The following USP12 variants were observed in gnomAD, a reference collection of about 807,000 sequenced individuals.
USP12 encodes the protein ubiquitin carboxyl-terminal hydrolase 12.
Under a neutral mutation model 45.5 loss-of-function variants are expected in USP12, and 19 were observed. The observed-to-expected ratio is 0.42, with a 90% confidence interval of 0.29 to 0.61. USP12 has a LOEUF of 0.61. Among genes scored for constraint, USP12 ranks in the 20% least tolerant of loss-of-function variants. The probability of loss-of-function intolerance (pLI) is 0.22; values close to 1 mark genes in which losing one functional copy is unlikely to be tolerated. For missense variants in USP12, 242 were observed against 447.7 expected (o/e 0.54, Z 4.15); for synonymous variants, 149 against 148.8 (o/e 1.00, Z -0.01).
At chr13:27,076,818 T>C (rs1450366694) in intron 6 of USP12, among the ~76,000 whole-genome samples, 1 of 152,222 alleles carries the variant, frequency 6.6e-6, no homozygotes, top group Non-Finnish European at 1.5e-5. Context: ...GGATAGCTTA[T>C]TATTCCTAAA....
In USP12 at chr13:27,075,996, CT is replaced by C. The variant is rs1164995332; in HGVS notation, c.735-609del. ...AGTGAGCTGAGATCACGCCACTGCA[CT>C]CCAGCCTGGGTGACAGAGCAAGGCT... On this transcript the variant is annotated intron_variant, in intron 6 of 8. Coordinates refer to ENST00000282344, the MANE Select transcript of USP12 (RefSeq NM_182488.4). 3.2e-3 allele frequency among the ~76,000 whole-genome samples: 460 copies of C among 143,126 alleles called. 2 individuals are homozygous for C. Among genetic ancestry groups the C allele is most frequent in the African/African-American group, 0.011 (427 of 38,320 alleles). 93.9% of individuals were successfully genotyped at this position (143,126 alleles called of 152,430 possible). A position where few individuals can be genotyped will look rare whatever the true frequency, so the allele number is the denominator to read the frequency against.
intron 1 of USP12, among the ~76,000 whole-genome samples, chr13:27,139,599 GAGCA>G (rs1318781961): frequency 6.6e-6 from 1 of 152,154 alleles, no homozygotes; most frequent in East Asian, 1.9e-4. Context: ...CTGGGAGAAA[GAGCA>G]AGACTCCATC....
intron 3 of USP12, among the ~76,000 whole-genome samples, chr13:27,099,117 T>C (rs776503316): frequency 4.6e-5 from 7 of 152,128 alleles, no homozygotes; most frequent in African/African-American, 1.4e-4. Flanking sequence ...TATTTGGACA[T>C]ATATATTTAA....
chr13:27,138,123 T>C (rs904229958), intron 1 of USP12, among the ~76,000 whole-genome samples: 3 of 152,214 alleles, frequency 2.0e-5, no homozygotes, highest in Admixed American at 2.0e-4. Context: ...GGGCACGGCT[T>C]ACCTACAACA....
Position 27,075,484 on chromosome 13 carries a change from A to G in USP12, c.735-96T>C, listed in dbSNP as rs188290627. 177 of 1,159,974 alleles carry G rather than the reference A, an allele frequency of 1.5e-4. 1 individual carries two copies. Among genetic ancestry groups the G allele is most frequent in the Middle Eastern group, 2.1e-4 (1 of 4,822 alleles). 71.9% of individuals were successfully genotyped at this position (1,159,974 alleles called of 1,614,324 possible). ...ACGATATCCAATGAACAGATAGACA[A>G]TGGTCAGTTTTAATAGCCCAGCAAT... On this transcript the variant is annotated intron_variant, in intron 6 of 8. Transcript: ENST00000282344.
chr13:27,120,450 C>G (rs55737145), intron 1 of USP12, among the ~76,000 whole-genome samples: 1 of 151,986 alleles, frequency 6.6e-6, no homozygotes, highest in Non-Finnish European at 1.5e-5. Flanking sequence ...ATCAGGAGTT[C>G]GAGACCAGCC....
chr13:27,122,263 C>T (rs570710498), intron 1 of USP12, among the ~76,000 whole-genome samples: 4 of 152,138 alleles, frequency 2.6e-5, no homozygotes, highest in African/African-American at 9.6e-5. Context: ...ATACTGTTCT[C>T]GTGGTAGTGA....
At chr13:27,087,434 G>C (rs1874111666) in intron 6 of USP12, among the ~76,000 whole-genome samples, 1 of 152,166 alleles carries the variant, frequency 6.6e-6, no homozygotes, top group African/African-American at 2.4e-5. Flanking sequence ...AAATACTGTG[G>C]TGGTGGCTAC....
intron 1 of USP12, among the ~76,000 whole-genome samples, chr13:27,122,304 G>A (rs890858433): frequency 6.6e-6 from 1 of 152,152 alleles, no homozygotes; most frequent in Non-Finnish European, 1.5e-5. Flanking sequence ...TTTTAACTGG[G>A]GTTTCTGTTT....
intron 1 of USP12, chr13:27,169,040 G>A (rs958813651): frequency 6.6e-6 from 1 of 152,216 alleles, no homozygotes; most frequent in Non-Finnish European, 1.5e-5. Context: ...CATACCAGGA[G>A]GAGGCAGGAA....
intron 1 of USP12, among the ~76,000 whole-genome samples, chr13:27,150,172 G>T (rs908058390): frequency 5.9e-5 from 9 of 152,164 alleles, no homozygotes; most frequent in Non-Finnish European, 1.3e-4. Flanking sequence ...ATTACACATT[G>T]TATACCTGTA....
chr13:27,147,380 T>C (rs890156824), intron 1 of USP12, among the ~76,000 whole-genome samples: 100 of 152,196 alleles, frequency 6.6e-4, no homozygotes, highest in Non-Finnish European at 2.4e-4. Context: ...TATTTAAGTA[T>C]AGTAATATAT....
chr13:27,114,711 C>T (rs1875628240), intron 2 of USP12, among the ~76,000 whole-genome samples: 2 of 151,382 alleles, frequency 1.3e-5, no homozygotes, highest in Admixed American at 1.3e-4. Context: ...CTAAGAGCAA[C>T]TACTCTGTTT....
chr13:27,081,817 T>A (rs1033183527), intron 6 of USP12, among the ~76,000 whole-genome samples: 4 of 152,246 alleles, frequency 2.6e-5, no homozygotes, highest in Non-Finnish European at 5.9e-5. Context: ...TGCGTCTCCA[T>A]CAGAGCTCTT....
intron 1 of USP12, among the ~76,000 whole-genome samples, chr13:27,135,161 TC>T (rs1876744856): frequency 6.6e-6 from 1 of 151,842 alleles, no homozygotes; most frequent in Non-Finnish European, 1.5e-5. Flanking sequence ...GTGGAGTGCG[TC>T]TGTAGTCCCA....
At chr13:27,145,673 G>T (rs1289668613) in intron 1 of USP12, among the ~76,000 whole-genome samples, 4 of 151,908 alleles carry the variant, frequency 2.6e-5, no homozygotes, top group Non-Finnish European at 5.9e-5. Context: ...TTATAAAGTT[G>T]TTTATCTAGT....
intron 1 of USP12, chr13:27,117,616 C>CGT (rs60533914): frequency 1.8e-5 from 5 of 284,484 alleles, no homozygotes; most frequent in East Asian, 7.9e-5. Flanking sequence ...AAAACACCAA[C>CGT]GTGTGTGTGT....
Position 27,071,051 on chromosome 13 carries a change from G to T in USP12, c.1011+20C>A. On this transcript the variant is annotated intron_variant, in intron 8 of 8. Coordinates refer to ENST00000282344, the MANE Select transcript of USP12 (RefSeq NM_182488.4). Reference sequence around the variant, plus strand: ...ATATGCATACAACTTTCAAAAATAAGAAATTAAGAAACTACTTACTTCTAC... The same window carrying T: ...ATATGCATACAACTTTCAAAAATAATAAATTAAGAAACTACTTACTTCTAC... 6.3e-7 allele frequency: 1 copy of T among 1,584,894 alleles called. No homozygotes were observed. Among genetic ancestry groups the T allele is most frequent in the Non-Finnish European group, 8.6e-7 (1 of 1,169,582 alleles).
intron 6 of USP12, among the ~76,000 whole-genome samples, chr13:27,085,036 T>C (rs895190899): frequency 6.6e-6 from 1 of 152,214 alleles, no homozygotes; most frequent in African/African-American, 2.4e-5. Context: ...GTGTTTCTAT[T>C]TATTTGTGTC....
Sources: gnomAD v4.1 joint callset for allele counts (sites outside exome capture counted in the v4.1 genomes callset) on GRCh38, gnomAD v4.1.1 for gene constraint, MANE v1.5 for transcripts, NCBI Gene and HGNC (gene_info 2026-07-23, HGNC 2026-07-21) for gene names.